INPP4A: variants seen among roughly 807,000 people sequenced by gnomAD.
INPP4A encodes the protein inositol polyphosphate-4-phosphatase, type I, 107kD.
Under a neutral mutation model 119.8 loss-of-function variants are expected in INPP4A, and 33 were observed. The observed-to-expected ratio is 0.28, with a 90% CI of 0.21 to 0.37. INPP4A has a LOEUF of 0.37. Ranked by LOEUF, INPP4A falls within the 10% of genes least tolerant of loss-of-function variation. The pLI is 1.00. For missense variants in INPP4A, 956 were observed against 1,289.9 expected (o/e 0.74, Z 3.97); for synonymous variants, 496 against 500.7 (o/e 0.99, Z 0.12).
intron 1 of INPP4A, among the ~76,000 whole-genome samples, chr2:98,496,457 G>A (rs535898364): frequency 3.3e-5 from 5 of 152,282 alleles, no homozygotes; most frequent in African/African-American, 9.6e-5. Context: ...TCAGGACATT[G>A]GTACGGGCAA....
At chr2:98,507,569 G>A (rs529764242) in intron 1 of INPP4A, among the ~76,000 whole-genome samples, 34 of 152,222 alleles carry the variant, frequency 2.2e-4, no homozygotes, top group African/African-American at 7.7e-4. Context: ...ATGCTACAAC[G>A]TGACCCCCAC....
rs1342265047 is a variant in INPP4A, at chr2:98,554,027, A to T, written c.1348-244A>T. Reference sequence around the variant, plus strand: ...AGGCAGGGATCAGAGAATGTCAGAGATTTCTCAACCTCTTCTCTTCCTTGG... The same window carrying T: ...AGGCAGGGATCAGAGAATGTCAGAGTTTTCTCAACCTCTTCTCTTCCTTGG... On this transcript the variant is annotated intron_variant, in intron 14 of 24. Coordinates refer to ENST00000409851, the MANE Select transcript of INPP4A (RefSeq NM_001134225.2). This position sits in a 1 kb window ranked among gnomAD's most constrained non-coding sequence, Gnocchi z 4.7. Among the ~76,000 whole-genome samples, 7 of 152,188 alleles carry T rather than the reference A, an allele frequency of 4.6e-5. No individual in the cohort carries two copies. Among genetic ancestry groups the T allele is most frequent in the Admixed American group, 4.6e-4 (7 of 15,284 alleles).
intron 21 of INPP4A, among the ~76,000 whole-genome samples, chr2:98,567,330 C>T (rs1484418583): frequency 1.3e-5 from 2 of 152,124 alleles, no homozygotes; most frequent in Non-Finnish European, 2.9e-5. Context: ...GAGAGTACAC[C>T]AGACAGACCC....
intron 13 of INPP4A, 57 bp from the exon 14 acceptor site, chr2:98,552,729 C>G (rs1234923509): frequency 7.3e-7 from 1 of 1,370,786 alleles, no homozygotes; most frequent in African/African-American, 1.4e-5. Context: ...TGGAATGATG[C>G]TGTCATCCTT....
At position 98,552,979 on chromosome 2, in the gene INPP4A, G is replaced by T. The variant is rs1263303719; in HGVS notation, c.1347+10G>T. On this transcript the variant is annotated intron_variant, in intron 14 of 24. Transcript: ENST00000409851. ...CATCTTGGCAGACAAGGTAGGAGGGGTGCCCTGCTACATATGGGCTGGGGA... is the reference window on the plus strand; with the variant it reads ...CATCTTGGCAGACAAGGTAGGAGGGTTGCCCTGCTACATATGGGCTGGGGA... 1.3e-6 allele frequency: 2 copies of T among 1,599,554 alleles called. No homozygotes were observed. Among genetic ancestry groups the T allele is most frequent in the Non-Finnish European group, 1.7e-6 (2 of 1,171,318 alleles).
chr2:98,479,155 T>C (rs950856207), intron 1 of INPP4A, among the ~76,000 whole-genome samples: 1 of 152,128 alleles, frequency 6.6e-6, no homozygotes, highest in African/African-American at 2.4e-5. Flanking sequence ...ACTCAAGATA[T>C]TATTCGCTGA....
At chr2:98,483,303 A>C (rs1430167824) in intron 1 of INPP4A, among the ~76,000 whole-genome samples, 1 of 152,164 alleles carries the variant, frequency 6.6e-6, no homozygotes, top group Non-Finnish European at 1.5e-5. Context: ...TTTGTGACCC[A>C]GTCAGTCCTA....
At chr2:98,526,845 T>G (rs1466030415) in intron 4 of INPP4A, among the ~76,000 whole-genome samples, 1 of 152,114 alleles carries the variant, frequency 6.6e-6, no homozygotes, top group Admixed American at 6.5e-5. Flanking sequence ...TCTTACATGA[T>G]GAGAGAAGGA....
intron 24 of INPP4A, among the ~76,000 whole-genome samples, chr2:98,585,739 C>T (rs766361641): frequency 1.1e-4 from 16 of 152,200 alleles, no homozygotes; most frequent in African/African-American, 2.4e-4. Flanking sequence ...TTGAAAACTA[C>T]GTTGAAATGA....
At chr2:98,541,155 G>A (rs979294162) in intron 10 of INPP4A, among the ~76,000 whole-genome samples, 1 of 152,016 alleles carries the variant, frequency 6.6e-6, no homozygotes, top group Non-Finnish European at 1.5e-5. Context: ...GTGAAACCTC[G>A]TTTCTACTAA....
intron 1 of INPP4A, among the ~76,000 whole-genome samples, chr2:98,468,800 C>T (rs747644658): frequency 9.2e-5 from 14 of 152,124 alleles, no homozygotes; most frequent in Non-Finnish European, 1.9e-4. Flanking sequence ...AGATGCAAAG[C>T]TCATGGCTGA....
chr2:98,482,394 A>T lies in INPP4A; in HGVS notation c.-165-36570A>T, dbSNP rs113170205. On this transcript the variant is annotated intron_variant, in intron 1 of 24. Coordinates refer to ENST00000409851, the MANE Select transcript of INPP4A (RefSeq NM_001134225.2). ...ACCAGTCAGAGCAGGGCCTCAAGGG[A>T]TGTTAGGATTGGTTGCACCTGGTTC... Among the ~76,000 whole-genome samples the T allele has an allele frequency of 3.8e-3, 574 of 152,298 alleles. 7 individuals carry two copies. Among genetic ancestry groups the T allele is most frequent in the African/African-American group, 0.013 (555 of 41,552 alleles).
At chr2:98,455,681 A>T (rs1262559187) in intron 1 of INPP4A, among the ~76,000 whole-genome samples, 1 of 152,108 alleles carries the variant, frequency 6.6e-6, no homozygotes, top group Non-Finnish European at 1.5e-5. Context: ...TATGTTCTTG[A>T]TTTAGTTGGC....
chr2:98,577,582 G>A (rs1183357509), intron 24 of INPP4A, among the ~76,000 whole-genome samples: 4 of 152,218 alleles, frequency 2.6e-5, no homozygotes, highest in South Asian at 2.1e-4. Flanking sequence ...GAAGCAACGC[G>A]TCTGCAGGTT....
intron 11 of INPP4A, among the ~76,000 whole-genome samples, chr2:98,544,258 C>A (rs1692073982): frequency 6.6e-6 from 1 of 152,172 alleles, no homozygotes; most frequent in Non-Finnish European, 1.5e-5. Context: ...AGTGAAGAGT[C>A]CTCCTATGGT....
chr2:98,492,385 C>T (rs1680989499), intron 1 of INPP4A, among the ~76,000 whole-genome samples: 1 of 152,176 alleles, frequency 6.6e-6, no homozygotes, highest in Admixed American at 6.5e-5. Context: ...GAAGTTTCTA[C>T]CCAAGTTGTA....
At chr2:98,449,716 A>G (rs781584635) in intron 1 of INPP4A, among the ~76,000 whole-genome samples, 8 of 152,226 alleles carry the variant, frequency 5.3e-5, no homozygotes, top group Non-Finnish European at 1.0e-4. Flanking sequence ...AGATGCTCTC[A>G]TTGTAAACAT....
At chr2:98,559,161 A>G (rs1260836535) in intron 16 of INPP4A, among the ~76,000 whole-genome samples, 1 of 152,210 alleles carries the variant, frequency 6.6e-6, no homozygotes, top group Admixed American at 6.5e-5. Context: ...CATTTATCAC[A>G]TTGTAATAAG....
chr2:98,536,873 T>G (rs1180079019), intron 7 of INPP4A, among the ~76,000 whole-genome samples: 1 of 152,224 alleles, frequency 6.6e-6, no homozygotes, highest in Non-Finnish European at 1.5e-5. Flanking sequence ...TTGCAGGCAT[T>G]GGCTGTCTAA....
Sources: allele counts gnomAD v4.1 joint callset (sites outside exome capture counted in the v4.1 genomes callset), GRCh38; gene constraint gnomAD v4.1.1; non-coding constraint Gnocchi (gnomAD v3.1); transcripts MANE v1.5; gene names NCBI Gene and HGNC (gene_info 2026-07-23, HGNC 2026-07-21).